Variants in CAPZB observed in about 807,000 individuals in gnomAD.
CAPZB encodes the protein capping actin protein of muscle Z-line subunit beta.
A neutral mutation model predicts 38.1 loss-of-function variants in CAPZB; 2 were observed. That is an observed-to-expected ratio of 0.05 (90% CI 0.02 to 0.17). The LOEUF (loss-of-function observed/expected upper bound fraction) is 0.17, where lower values mean the gene tolerates loss of function less well. Among genes scored for constraint, CAPZB ranks in the 10% least tolerant of loss-of-function variants. The probability of loss-of-function intolerance (pLI) is 1.00; values close to 1 mark genes in which losing one functional copy is unlikely to be tolerated. For missense variants in CAPZB, 161 were observed against 334.2 expected, an observed-to-expected ratio of 0.48 and a Z score of 4.04; for synonymous variants, 107 against 127.4, an observed-to-expected ratio of 0.84 and a Z score of 1.08.
intron 1 of CAPZB, among the ~76,000 whole-genome samples, chr1:19,421,205 T>C (rs2094399867): frequency 6.6e-6 from 1 of 152,246 alleles, no homozygotes; most frequent in African/African-American, 2.4e-5. Context: ...AAATGCCACA[T>C]TTGGCCTTAA....
intron 2 of CAPZB, among the ~76,000 whole-genome samples, chr1:19,405,736 C>G (rs977460742): frequency 3.3e-5 from 5 of 152,146 alleles, no homozygotes; most frequent in Admixed American, 1.3e-4. Context: ...CTGCATTTGG[C>G]TCCAAATCTC....
intron 1 of CAPZB, among the ~76,000 whole-genome samples, chr1:19,452,732 G>A (rs1172886127): frequency 1.3e-5 from 2 of 150,972 alleles, no homozygotes; most frequent in African/African-American, 2.4e-5. Flanking sequence ...CTGCCCTCCT[G>A]CCACTGGACC....
At chr1:19,369,314 A>G (rs1224369527) in intron 4 of CAPZB, among the ~76,000 whole-genome samples, 1 of 152,220 alleles carries the variant, frequency 6.6e-6, no homozygotes, top group Non-Finnish European at 1.5e-5. Context: ...AGTGGTCACG[A>G]AAGAGCTGAA....
intron 1 of CAPZB, among the ~76,000 whole-genome samples, chr1:19,439,340 C>T (rs4911998): frequency 0.23 from 35,448 of 152,200 alleles, 4,502 homozygotes; most frequent in Non-Finnish European, 0.28. Flanking sequence ...CATTTGTACT[C>T]ATATGGGAAA....
chr1:19,474,952 G>A (rs894473787), intron 1 of CAPZB, among the ~76,000 whole-genome samples: 1 of 152,166 alleles, frequency 6.6e-6, no homozygotes, highest in African/African-American at 2.4e-5. Flanking sequence ...TGCATGGTCT[G>A]CGAGGCCCAG....
rs1423990074 is a variant in CAPZB at position 19,378,643 on chromosome 1, T to C, written c.226A>G (p.Ser76Gly). 1.3e-6 allele frequency: 2 copies of C among 1,594,344 alleles called. No individual in the cohort carries two copies. The highest frequency in any genetic ancestry group is 1.7e-6 in the Non-Finnish European group (2 of 1,162,098). ...RDGDSYRSPW[S>G]NKYDPPLEDG... ...TCCAAGGGAGGGTCATACTTGTTAC[T>C]CCATGGTGACCTGGAGGGAAGGAAG... The change falls in exon 4 of 9, where the codon AGT becomes GGT. Residue 76 changes from serine (S) to glycine (G), a missense_variant. Transcript: ENST00000264202.
chr1:19,360,781 C>T (rs1047891899), intron 4 of CAPZB, among the ~76,000 whole-genome samples: 2 of 152,202 alleles, frequency 1.3e-5, no homozygotes, highest in African/African-American at 2.4e-5. Flanking sequence ...TTCTCCTTGG[C>T]GGGCCACGGT....
At chr1:19,410,087 T>C (rs1335314229) in intron 2 of CAPZB, among the ~76,000 whole-genome samples, 4 of 152,252 alleles carry the variant, frequency 2.6e-5, no homozygotes, top group African/African-American at 9.6e-5. Context: ...AGTTCTTCCA[T>C]TACTGAGTCT....
rs184166967 is a variant in CAPZB at position 19,351,980 on chromosome 1, C to T, written c.588+4655G>A. The stretch of plus-strand genomic sequence containing the variant: ...CCAGGTCATCTGGCAAAAACCCAGA[C>T]GCCCCTTGAAGCTGCGCTGCTCAAG... On this transcript the variant is annotated intron_variant, in intron 6 of 8. Transcript: ENST00000264202. Among the ~76,000 whole-genome samples the T allele has an allele frequency of 7.2e-5, 11 of 152,306 alleles. No individual in the cohort carries two copies. The East Asian group carries it at 1.9e-3, about 27-fold the overall frequency.
At chr1:19,353,366 G>A (rs1351923577) in intron 6 of CAPZB, among the ~76,000 whole-genome samples, 2 of 152,144 alleles carry the variant, frequency 1.3e-5, no homozygotes, top group Non-Finnish European at 2.9e-5. Flanking sequence ...GACTGTGTAA[G>A]GAGGAACTCG....
intron 1 of CAPZB, among the ~76,000 whole-genome samples, chr1:19,450,200 TAATAC>T (rs139824342): frequency 0.57 from 83,467 of 145,870 alleles, 24,034 homozygotes; most frequent in Non-Finnish European, 0.61. Context: ...AAAAATGTAG[TAATAC>T]AATACATGGA....
intron 1 of CAPZB, chr1:19,449,302 C>G: frequency 9.7e-7 from 1 of 1,035,206 alleles, no homozygotes; most frequent in South Asian, 3.8e-5. Flanking sequence ...ACTGGCCTGG[C>G]GAGATGCGAG....
chr1:19,427,955 G>A (rs1000261429), intron 1 of CAPZB, among the ~76,000 whole-genome samples: 3 of 152,158 alleles, frequency 2.0e-5, no homozygotes, highest in African/African-American at 7.2e-5. Flanking sequence ...AACCATTCTA[G>A]TCCTACTCTG....
chr1:19,390,970 G>C (rs2094230756), intron 2 of CAPZB, among the ~76,000 whole-genome samples: 1 of 152,136 alleles, frequency 6.6e-6, no homozygotes, highest in Non-Finnish European at 1.5e-5. Flanking sequence ...GAAATAACTT[G>C]ACCGGAGCCA....
intron 1 of CAPZB, among the ~76,000 whole-genome samples, chr1:19,434,278 C>G (rs996007024): frequency 8.5e-5 from 13 of 152,210 alleles, no homozygotes; most frequent in African/African-American, 3.1e-4. Flanking sequence ...AATTCCTTCA[C>G]CTCTCTGAGC....
intron 8 of CAPZB, among the ~76,000 whole-genome samples, chr1:19,340,364 T>C (rs1484858501): frequency 6.6e-6 from 1 of 152,240 alleles, no homozygotes; most frequent in African/African-American, 2.4e-5. Flanking sequence ...GGATCCCTGC[T>C]GTCAAATTCT....
intron 1 of CAPZB, among the ~76,000 whole-genome samples, chr1:19,462,539 G>T (rs1290468124): frequency 6.6e-6 from 1 of 152,196 alleles, no homozygotes; most frequent in African/African-American, 2.4e-5. Context: ...CCCAAGGAGG[G>T]TAAGCATGTT....
At chr1:19,457,649 C>T (rs1307571843) in intron 1 of CAPZB, among the ~76,000 whole-genome samples, 11 of 152,166 alleles carry the variant, frequency 7.2e-5, no homozygotes, top group South Asian at 2.1e-4. Flanking sequence ...GGGAGAAAAG[C>T]GCCCAGTGTT....
At chr1:19,378,501 C>A (rs1183722887) in intron 4 of CAPZB, 39 bp downstream of exon 4, 1 of 1,176,856 alleles carries the variant, frequency 8.5e-7, no homozygotes, top group Non-Finnish European at 1.3e-6. Context: ...CCTCTCAAAA[C>A]TCACAAGCGC....
Sources: allele counts gnomAD v4.1 joint callset (sites outside exome capture counted in the v4.1 genomes callset), GRCh38; gene constraint gnomAD v4.1.1; transcripts MANE v1.5; gene names NCBI Gene and HGNC (gene_info 2026-07-23, HGNC 2026-07-21).